The following RPL35A variants were observed in gnomAD, a reference collection of about 807,000 sequenced individuals.
The protein encoded by RPL35A is large ribosomal subunit protein eL33.
A neutral mutation model predicts 16.7 loss-of-function variants in RPL35A; 1 was observed. That is an observed-to-expected ratio of 0.06 (90% CI 0.02 to 0.28). RPL35A has a LOEUF of 0.28. RPL35A is among the 10% of genes least tolerant of loss of function. RPL35A has a pLI of 1.00. For missense variants in RPL35A, 91 were observed against 138.7 expected (o/e 0.66, Z 1.73); for synonymous variants, 58 against 47.0 (o/e 1.23, Z -0.96).
chr3:197,953,921 G>T, intron 3 of RPL35A, 82 bp from the exon 4 acceptor site: 1 of 1,446,496 alleles, frequency 6.9e-7, no homozygotes, highest in Non-Finnish European at 9.7e-7. Flanking sequence ...CCAGGGTTGA[G>T]AGCCACTCGT....
At chr3:197,952,945 C>T (rs1333160438) in intron 3 of RPL35A, among the ~76,000 whole-genome samples, 1 of 151,674 alleles carries the variant, frequency 6.6e-6, no homozygotes, top group South Asian at 2.1e-4. Flanking sequence ...GGATTACAGG[C>T]GCGCACCACC....
chr3:197,953,737 A>G, intron 3 of RPL35A: 1 of 541,608 alleles, frequency 1.8e-6, no homozygotes. Flanking sequence ...TGCCTCTGTT[A>G]TCATCTGACC....
rs1488094859 is a variant in RPL35A at position 197,951,223 on chromosome 3, G to A, written c.76G>A (p.Ala26Thr). The A allele has an allele frequency of 3.7e-6, 6 of 1,614,090 alleles. No individual in the cohort carries two copies. Among genetic ancestry groups the A allele is most frequent in the Non-Finnish European group, 5.1e-6 (6 of 1,180,032 alleles). Residue 26 changes from alanine (A) to threonine (T), a missense_variant, in exon 3 of 5, where the codon GCT becomes ACT. By Grantham distance (58) the Ala-to-Thr change is moderately conservative. Coordinates refer to ENST00000647248, the MANE Select transcript of RPL35A (RefSeq NM_000996.4). ...RGLRNQREHT[A>T]LLKIEGVYAR... ...TCTCCGGAACCAAAGGGAGCACACAGCTCTTCTTAAAATTGAAGGTGTTTA... is the reference window on the plus strand; with the variant it reads ...TCTCCGGAACCAAAGGGAGCACACAACTCTTCTTAAAATTGAAGGTGTTTA...
chr3:197,955,862 A>G lies in RPL35A; in HGVS notation c.*89A>G, dbSNP rs1279959579. 3 of 1,108,074 alleles carry G rather than the reference A, an allele frequency of 2.7e-6. No individual in the cohort carries two copies. Among genetic ancestry groups the G allele is most frequent in the African/African-American group, 3.1e-5 (2 of 64,824 alleles). The allele number at this position is 1,108,074 out of a possible 1,614,324, so 68.6% of individuals were successfully genotyped here. ...ACTTACTACCTTAAATTGATTTGCT[A>G]CATGCTTAAAATGATAGAGGTTGCT... On this transcript the variant is annotated 3_prime_UTR_variant, in exon 5 of 5. Coordinates refer to ENST00000647248, the MANE Select transcript of RPL35A (RefSeq NM_000996.4).
In RPL35A at chr3:197,950,417, G is replaced by T. The variant is rs138840717; in HGVS notation, c.-33+196G>T. Reference sequence around the variant, plus strand: ...GTCCCCTGACACCCGGAGAACGGCTGCCCGGGTTATCCCAGTTAAATTCCT... The same window carrying T: ...GTCCCCTGACACCCGGAGAACGGCTTCCCGGGTTATCCCAGTTAAATTCCT... On this transcript the variant is annotated intron_variant, in intron 1 of 4. Coordinates refer to ENST00000647248, the MANE Select transcript of RPL35A (RefSeq NM_000996.4). The T allele has an allele frequency of 4.4e-4, 418 of 948,600 alleles. No homozygotes were observed. In the African/African-American group the frequency reaches 6.5e-3, roughly 15 times the overall value. 58.8% of individuals were successfully genotyped at this position (948,600 alleles called of 1,614,324 possible).
At chr3:197,954,488 C>A in intron 4 of RPL35A, 1 of 361,616 alleles carries the variant, frequency 2.8e-6, no homozygotes, top group South Asian at 2.5e-5. Flanking sequence ...CGTGTGCCAC[C>A]ACACCCAGCT....
At position 197,951,145 on chromosome 3, in the gene RPL35A, C is replaced by T; in HGVS notation, c.12-14C>T. 1.1e-5 allele frequency: 18 copies of T among 1,613,900 alleles called. No homozygotes were observed. The highest frequency in any genetic ancestry group is 1.3e-5 in the African/African-American group (1 of 74,972). On this transcript the variant is annotated splice_polypyrimidine_tract_variant and intron_variant, in intron 2 of 4. Coordinates refer to ENST00000647248, the MANE Select transcript of RPL35A (RefSeq NM_000996.4). ...GAAGCTTATGTTTCATGTTGTGTAT[C>T]TTTTGTGTCTTAGGCTGTGGTCCAA...
chr3:197,950,345 A>G (rs1270120552), intron 1 of RPL35A, 124 bp downstream of exon 1: 1 of 1,223,718 alleles, frequency 8.2e-7, no homozygotes, highest in Non-Finnish European at 1.0e-6. Flanking sequence ...ACGGGTTTCA[A>G]GAAGAGGGAG....
Position 197,956,026 on chromosome 3 carries a change from T to C in RPL35A, c.*253T>C. 2.1e-6 allele frequency: 1 copy of C among 478,730 alleles called. No individual in the cohort carries two copies. Among genetic ancestry groups the C allele is most frequent in the East Asian group, 3.9e-5 (1 of 25,676 alleles). The allele number at this position is 478,730 out of a possible 1,614,324, so 29.7% of individuals were successfully genotyped here. On this transcript the variant is annotated 3_prime_UTR_variant, in exon 5 of 5. Transcript: ENST00000647248. ...CTCTGTTGCCCATGCTGGAGTGTAG[T>C]GGTGCTCGCTGCAGCCTCACATTCA...
At chr3:197,955,221 G>A (rs988356893) in intron 4 of RPL35A, among the ~76,000 whole-genome samples, 2 of 151,772 alleles carry the variant, frequency 1.3e-5, no homozygotes, top group African/African-American at 4.8e-5. Flanking sequence ...CTTTTACTCT[G>A]TCTTTAGAAG....
chr3:197,952,989 CAG>C (rs1457414081), intron 3 of RPL35A, among the ~76,000 whole-genome samples: 1 of 151,512 alleles, frequency 6.6e-6, no homozygotes, highest in Non-Finnish European at 1.5e-5. Context: ...TTAGTAGAGA[CAG>C]GGTTTCACCA....
Position 197,954,352 on chromosome 3 carries a change from G to A in RPL35A, c.309+205G>A, listed in dbSNP as rs1720365185. The A allele has an allele frequency of 6.5e-6, 4 of 616,834 alleles. No homozygotes were observed. In the African/African-American group the frequency reaches 7.4e-5, roughly 11 times the overall value. 38.2% of individuals were successfully genotyped at this position (616,834 alleles called of 1,614,324 possible). On this transcript the variant is annotated intron_variant, in intron 4 of 4. Transcript: ENST00000647248. ...TTGTTTTTTGTTTTTTTTTTGGGGG[G>A]AGACAGGGTCTCACTTTGTCACCCA...
At chr3:197,953,945 T>C (rs1239385629) in intron 3 of RPL35A, 58 bp from the exon 4 acceptor site, 1 of 1,597,128 alleles carries the variant, frequency 6.3e-7, no homozygotes, top group African/African-American at 1.3e-5. Flanking sequence ...GAGGTCACCT[T>C]GAATTTGTAT....
intron 3 of RPL35A, chr3:197,953,614 TC>T: frequency 4.4e-6 from 2 of 458,664 alleles, no homozygotes; most frequent in Non-Finnish European, 8.8e-6. Flanking sequence ...CAGTCTTTGT[TC>T]CATGGTCACC....
At chr3:197,954,319 T>C (rs139456046) in intron 4 of RPL35A, 172 bp downstream of exon 4, 2 of 728,178 alleles carry the variant, frequency 2.7e-6, no homozygotes, top group Non-Finnish European at 4.7e-6. Flanking sequence ...AATTAGGTGT[T>C]TGGTTGTTTG....
rs917480004 is a variant in RPL35A, at chr3:197,955,736, T to C, written c.310-14T>C. 5.0e-6 allele frequency: 8 copies of C among 1,596,582 alleles called. No homozygotes were observed. The African/African-American group carries it at 9.4e-5, about 19-fold the overall frequency. On this transcript the variant is annotated splice_polypyrimidine_tract_variant and intron_variant, in intron 4 of 4. Transcript: ENST00000647248. Reference sequence around the variant, plus strand: ...AACATTCACCTAATGTTTTGTGTTCTTTTTTCCCTGCAGATGCTGTACCCC... The same window carrying C: ...AACATTCACCTAATGTTTTGTGTTCCTTTTTCCCTGCAGATGCTGTACCCC...
intron 3 of RPL35A, among the ~76,000 whole-genome samples, chr3:197,951,964 A>G (rs377533862): frequency 1.3e-5 from 2 of 151,960 alleles, no homozygotes; most frequent in South Asian, 4.2e-4. Flanking sequence ...CTTAATGGGG[A>G]GTTTTAGAAG....
At chr3:197,953,850 G>T in intron 3 of RPL35A, 153 bp from the exon 4 acceptor site, 1 of 735,680 alleles carries the variant, frequency 1.4e-6, no homozygotes, top group South Asian at 1.5e-5. Flanking sequence ...TACTCGATAA[G>T]TATCTGTTGA....
Position 197,956,123 on chromosome 3 carries a change from A to G in RPL35A, c.*350A>G, listed in dbSNP as rs1039558860. 47 of 283,026 alleles carry G rather than the reference A, an allele frequency of 1.7e-4. No individual in the cohort carries two copies. The highest frequency in any genetic ancestry group is 1.0e-3 in the African/African-American group (47 of 45,742). 17.5% of individuals were successfully genotyped at this position (283,026 alleles called of 1,614,324 possible). ...AGGCTCATGCCACCATCCCTGGGTC[A>G]TTTTTAAATTTTTTGTAGAGAGGGT... On this transcript the variant is annotated 3_prime_UTR_variant, in exon 5 of 5. Transcript: ENST00000647248.
Sources: gnomAD v4.1 joint callset for allele counts (sites outside exome capture counted in the v4.1 genomes callset) on GRCh38, gnomAD v4.1.1 for gene constraint, MANE v1.5 for transcripts, NCBI Gene and HGNC (gene_info 2026-07-23, HGNC 2026-07-21) for gene names.